The following BCKDHA variants were observed in gnomAD, a reference collection of about 807,000 sequenced individuals.
BCKDHA encodes the protein branched chain keto acid dehydrogenase E1 subunit alpha.
Under a neutral mutation model 52.2 loss-of-function variants are expected in BCKDHA, and 43 were observed. The ratio of observed to expected loss-of-function variants is 0.82; its 90% CI spans 0.64 to 1.06. The LOEUF (loss-of-function observed/expected upper bound fraction) is 1.06. Ranked by LOEUF, BCKDHA falls within the 50% of genes least tolerant of loss-of-function variation. BCKDHA has a pLI of 0.00. For synonymous variants in BCKDHA, 234 were observed against 247.9 expected (o/e 0.94, Z 0.53); for missense variants, 527 against 621.3 (o/e 0.85, Z 1.61).
intron 1 of BCKDHA, among the ~76,000 whole-genome samples, chr19:41,405,197 G>T (rs1446524662): frequency 1.3e-5 from 2 of 152,142 alleles, no homozygotes; most frequent in African/African-American, 4.8e-5. Flanking sequence ...GGTCAACTCG[G>T]TTAATCCTCA....
intron 3 of BCKDHA, 58 bp downstream of exon 3, chr19:41,411,067 T>TAAG: frequency 6.4e-7 from 1 of 1,568,544 alleles, no homozygotes. Context: ...CCCCTACCTG[T>TAAG]GTTTGGGCCA....
chr19:41,418,851 T>G, intron 4 of BCKDHA: 1 of 444,854 alleles, frequency 2.2e-6, no homozygotes, highest in Non-Finnish European at 4.3e-6. Context: ...TAGTAATGAT[T>G]TATGGTTAGA....
chr19:41,424,599 C>G lies in BCKDHA; in HGVS notation c.1329C>G (p.Phe443Leu). ...TYGEHYPLDH[F>L]DK ...GGGAGCACTACCCACTGGATCACTT[C>G]GATAAGTGAGACCTGCTCAGCCCAC... The change falls in exon 9 of 9, where the codon TTC (phenylalanine) becomes TTG (leucine). Residue 443 changes from phenylalanine (F) to leucine (L), a missense_variant. Transcript: ENST00000269980. 6.2e-7 allele frequency: 1 copy of G among 1,602,872 alleles called. No homozygotes were observed. The highest frequency in any genetic ancestry group is 8.5e-7 in the Non-Finnish European group (1 of 1,172,400).
intron 1 of BCKDHA, among the ~76,000 whole-genome samples, chr19:41,402,176 C>T (rs771745788): frequency 7.3e-4 from 111 of 152,102 alleles, no homozygotes; most frequent in Non-Finnish European, 1.5e-4. Flanking sequence ...AAGATCCACC[C>T]CCATAATTCA....
In BCKDHA at chr19:41,410,926, C is replaced by T; in HGVS notation, c.292C>T (p.Pro98Ser). ...IINPSEDPHL[P>S]KEKVLKLYKS... ...CTATCTGTGCCTCCACCCGCAGCTG[C>T]CGAAGGAGAAGGTGCTGAAGCTCTA... Residue 98 changes from proline (P) to serine (S), a missense_variant, in exon 3 of 9, where the codon CCG becomes TCG. Physicochemically the swap from Pro to Ser is moderately conservative, Grantham distance 74. Coordinates refer to ENST00000269980, the MANE Select transcript of BCKDHA (RefSeq NM_000709.4). 6.2e-7 allele frequency: 1 copy of T among 1,614,134 alleles called. No homozygotes were observed.
chr19:41,407,684 A>T (rs2039208185), intron 1 of BCKDHA, among the ~76,000 whole-genome samples: 1 of 152,194 alleles, frequency 6.6e-6, no homozygotes, highest in Non-Finnish European at 1.5e-5. Flanking sequence ...CCCCGCTAGA[A>T]CTGTGGACAG....
intron 4 of BCKDHA, among the ~76,000 whole-genome samples, chr19:41,417,428 A>G (rs984489809): frequency 3.9e-5 from 6 of 152,160 alleles, no homozygotes; most frequent in African/African-American, 1.4e-4. Flanking sequence ...AGTCCCTTGG[A>G]CCTTCTTTGA....
At chr19:41,411,452 A>G (rs1299852645) in intron 3 of BCKDHA, among the ~76,000 whole-genome samples, 1 of 152,120 alleles carries the variant, frequency 6.6e-6, no homozygotes, top group Non-Finnish European at 1.5e-5. Context: ...GAGGGAAGTT[A>G]TTGACTCCAA....
chr19:41,413,641 A>G (rs147217510), intron 3 of BCKDHA, among the ~76,000 whole-genome samples: 45 of 152,236 alleles, frequency 3.0e-4, no homozygotes, highest in Middle Eastern at 3.4e-3. Context: ...AGTAAAATCA[A>G]TGTATCGTTC....
At chr19:41,400,542 G>A (rs1341527900) in intron 1 of BCKDHA, among the ~76,000 whole-genome samples, 2 of 150,762 alleles carry the variant, frequency 1.3e-5, no homozygotes, top group Non-Finnish European at 2.9e-5. Context: ...GCCTGGCTGC[G>A]CCTGGCTAAT....
intron 5 of BCKDHA, among the ~76,000 whole-genome samples, chr19:41,420,648 T>G (rs2039354687): frequency 6.6e-6 from 1 of 151,830 alleles, no homozygotes; most frequent in African/African-American, 2.4e-5. Context: ...AACGGTCATG[T>G]GGCACAGAGG....
chr19:41,415,106 T>A (rs1334921622), intron 4 of BCKDHA, among the ~76,000 whole-genome samples: 1 of 152,200 alleles, frequency 6.6e-6, no homozygotes, highest in African/African-American at 2.4e-5. Flanking sequence ...AGAGCCCCCA[T>A]GGACCAGCAT....
chr19:41,410,564 C>T lies in BCKDHA; in HGVS notation c.109-73C>T, dbSNP rs1403989803. On this transcript the variant is annotated intron_variant, in intron 1 of 8. Transcript: ENST00000269980. Reference sequence around the variant, plus strand: ...GCTCAACCACCATGCCGCCTGCCTGCCGCCGGGGCTGAGCCAGCGGAAACC... The same window carrying T: ...GCTCAACCACCATGCCGCCTGCCTGTCGCCGGGGCTGAGCCAGCGGAAACC... 4 of 1,561,716 alleles carry T rather than the reference C, an allele frequency of 2.6e-6. No individual in the cohort carries two copies. The African/African-American group carries it at 5.4e-5, about 21-fold the overall frequency.
At chr19:41,403,123 G>T (rs1460761557) in intron 1 of BCKDHA, among the ~76,000 whole-genome samples, 6 of 152,196 alleles carry the variant, frequency 3.9e-5, no homozygotes, top group Admixed American at 3.9e-4. Context: ...GTCTCTGTCT[G>T]TGAAACAGGG....
intron 1 of BCKDHA, among the ~76,000 whole-genome samples, chr19:41,403,813 C>T (rs1314234481): frequency 1.3e-5 from 2 of 152,184 alleles, no homozygotes; most frequent in South Asian, 2.1e-4. Context: ...TCCAAGGCCG[C>T]GTGGCTGGAA....
chr19:41,409,027 G>A (rs1210370672), intron 1 of BCKDHA, among the ~76,000 whole-genome samples: 1 of 152,080 alleles, frequency 6.6e-6, no homozygotes, highest in Non-Finnish European at 1.5e-5. Context: ...TGGGCTTATT[G>A]CAACCTCCGC....
At chr19:41,401,072 T>C (rs1372867374) in intron 1 of BCKDHA, among the ~76,000 whole-genome samples, 1 of 90,836 alleles carries the variant, frequency 1.1e-5, no homozygotes, top group Admixed American at 9.7e-5. Flanking sequence ...GGTTTTTGTT[T>C]TGTTTTGTTT....
intron 5 of BCKDHA, among the ~76,000 whole-genome samples, chr19:41,421,563 G>A (rs1190216559): frequency 1.3e-5 from 2 of 152,106 alleles, no homozygotes; most frequent in Non-Finnish European, 2.9e-5. Flanking sequence ...TGGAGTGAGC[G>A]GGTGTAGGGT....
At chr19:41,408,082 A>G (rs1599951412) in intron 1 of BCKDHA, among the ~76,000 whole-genome samples, 1 of 151,594 alleles carries the variant, frequency 6.6e-6, no homozygotes, top group East Asian at 1.9e-4. Flanking sequence ...CAGCCTCCCA[A>G]GTAGCTGGGA....
Sources: gnomAD v4.1 joint callset for allele counts (sites outside exome capture counted in the v4.1 genomes callset) on GRCh38, gnomAD v4.1.1 for gene constraint, MANE v1.5 for transcripts, NCBI Gene and HGNC (gene_info 2026-07-23, HGNC 2026-07-21) for gene names.